The following DNAH11 variants were observed in gnomAD, a reference collection of about 807,000 sequenced individuals.
The protein encoded by DNAH11 is axonemal beta dynein heavy chain 11.
A neutral mutation model predicts 526.0 loss-of-function variants in DNAH11; 442 were observed. The ratio of observed to expected loss-of-function variants is 0.84; its 90% CI spans 0.78 to 0.91. The LOEUF is 0.91. Ranked by LOEUF, DNAH11 falls within the 40% of genes least tolerant of loss-of-function variation. The probability of loss-of-function intolerance (pLI) is 0.00; values close to 1 mark genes in which losing one functional copy is unlikely to be tolerated. For missense variants in DNAH11, 6,989 were observed against 5,448.7 expected, an observed-to-expected ratio of 1.28 and a Z score of -8.90; for synonymous variants, 2,461 against 1,935.9, an observed-to-expected ratio of 1.27 and a Z score of -7.12.
chr7:21,834,120 G>A (rs1211589317), intron 65 of DNAH11, among the ~76,000 whole-genome samples: 2 of 152,134 alleles, frequency 1.3e-5, no homozygotes, highest in African/African-American at 2.4e-5. Flanking sequence ...AAGTCCCAAC[G>A]AAATTTTTTT....
rs764319048 is a variant in DNAH11 at position 21,894,655 on chromosome 7, A to C, written c.12783A>C (p.Lys4261Asn). Residue 4261 changes from lysine to asparagine, a missense_variant, in exon 78 of 82, where the codon AAA (lysine) becomes AAC (asparagine). Transcript: ENST00000409508. ...VKNVLDDILE[K>N]LPEEFNMAEI... Reference sequence around the variant, plus strand: ...ATGTCTTGGATGACATTTTGGAGAAACTTCCAGAAGAGTTCAACATGGCAG... The same window carrying C: ...ATGTCTTGGATGACATTTTGGAGAACCTTCCAGAAGAGTTCAACATGGCAG... 1.9e-6 allele frequency: 3 copies of C among 1,613,914 alleles called. No individual in the cohort carries two copies. In the African/African-American group the frequency reaches 4.0e-5, roughly 22 times the overall value.
chr7:21,634,412 A>G (rs1049209925), intron 25 of DNAH11, among the ~76,000 whole-genome samples: 3 of 152,182 alleles, frequency 2.0e-5, no homozygotes, highest in Admixed American at 6.5e-5. Flanking sequence ...GAAACAGGAT[A>G]CTGTAATGTC....
rs531875958 is a variant in DNAH11, at chr7:21,818,448, G to T, written c.10691+109G>T. ...CTATTGAAATCTTAGTGATATTTCT[G>T]AGTTTCCATTTCATGCACCTACACT... is the stretch of plus-strand genomic sequence containing the variant. On this transcript the variant is annotated intron_variant, in intron 65 of 81. Coordinates refer to ENST00000409508, the MANE Select transcript of DNAH11 (RefSeq NM_001277115.2). 3.1e-6 allele frequency: 4 copies of T among 1,283,360 alleles called. No homozygotes were observed. The East Asian group carries it at 7.8e-5, about 25-fold the overall frequency. The allele number at this position is 1,283,360 out of a possible 1,614,324, so 79.5% of individuals were successfully genotyped here.
chr7:21,750,110 C>G, intron 53 of DNAH11, 112 bp from the exon 54 acceptor site: 2 of 1,348,470 alleles, frequency 1.5e-6, no homozygotes, highest in East Asian at 2.5e-5. Flanking sequence ...ATTTTAAACT[C>G]TTACCATTTA....
chr7:21,776,830 A>G (rs1787688979), intron 56 of DNAH11, among the ~76,000 whole-genome samples: 1 of 152,212 alleles, frequency 6.6e-6, no homozygotes, highest in African/African-American at 2.4e-5. Context: ...GTCACATCTT[A>G]TAGGTTCAAT....
At chr7:21,852,855 A>T (rs1350370595) in intron 67 of DNAH11, among the ~76,000 whole-genome samples, 3 of 152,198 alleles carry the variant, frequency 2.0e-5, no homozygotes, top group Non-Finnish European at 2.9e-5. Flanking sequence ...CAAATTAGAC[A>T]CTGTCCGGCT....
Position 21,866,320 on chromosome 7 carries a change from C to CAA in DNAH11, c.11497-136_11497-135dup, listed in dbSNP as rs35623271. 152,901 of 448,214 alleles carry CAA rather than the reference C, an allele frequency of 0.34. 19,031 individuals are homozygous for CAA. Among genetic ancestry groups the CAA allele is most frequent in the Admixed American group, 0.4 (8,113 of 20,388 alleles). 27.8% of individuals were successfully genotyped at this position (448,214 alleles called of 1,614,324 possible). A position where few individuals can be genotyped will look rare whatever the true frequency, so the allele number is the denominator to read the frequency against. ...CTTTGAGCTTACCCTCTCAGCAGAG[C>CAA]AAAAAAAAAAAAAAAGGAAATCTGA... On this transcript the variant is annotated intron_variant, in intron 70 of 81. Transcript: ENST00000409508.
chr7:21,617,688 G>A lies in DNAH11; in HGVS notation c.4165G>A (p.Asp1389Asn), dbSNP rs1341799199. Residue 1389 changes from aspartate to asparagine, a missense_variant, in exon 23 of 82, where the codon GAC becomes AAC. Transcript: ENST00000409508. Reference protein sequence around the residue: ...AYTGLEGTVKDMTASLRAITE... With the variant: ...AYTGLEGTVKNMTASLRAITE... ...CACGGGCCTGGAAGGCACAGTTAAG[G>A]ACATGACAGCCTCCCTGAGGGCCAT... is the stretch of plus-strand genomic sequence containing the variant. 25 of 1,613,834 alleles carry A rather than the reference G, an allele frequency of 1.5e-5. No homozygotes were observed. Among genetic ancestry groups the A allele is most frequent in the Non-Finnish European group, 2.0e-5 (24 of 1,179,822 alleles).
chr7:21,760,055 C>G (rs1283345851), intron 54 of DNAH11, among the ~76,000 whole-genome samples: 3 of 151,010 alleles, frequency 2.0e-5, no homozygotes, highest in Admixed American at 6.6e-5. Flanking sequence ...CACGGACTTT[C>G]TAATCCCACT....
chr7:21,614,204 A>G (rs372103043), intron 20 of DNAH11, among the ~76,000 whole-genome samples: 8 of 152,354 alleles, frequency 5.3e-5, no homozygotes, highest in Admixed American at 1.3e-4. Context: ...CAAAGAAACT[A>G]AAGTAATACA....
At chr7:21,709,448 G>C (rs905861321) in intron 40 of DNAH11, among the ~76,000 whole-genome samples, 1 of 152,064 alleles carries the variant, frequency 6.6e-6, no homozygotes, top group Non-Finnish European at 1.5e-5. Context: ...AGAGCAGCAG[G>C]GGATGAAAAA....
At chr7:21,726,415 A>G (rs574202677) in intron 45 of DNAH11, among the ~76,000 whole-genome samples, 1 of 152,126 alleles carries the variant, frequency 6.6e-6, no homozygotes, top group South Asian at 2.1e-4. Flanking sequence ...GATCCAAACC[A>G]TATCACCGAT....
In DNAH11 at chr7:21,901,251, G is replaced by GT. The variant is rs1468018475; in HGVS notation, c.13549dup (p.Ter4517LeufsTer3). On this transcript the variant is annotated frameshift_variant, in exon 82 of 82. Coordinates refer to ENST00000409508, the MANE Select transcript of DNAH11 (RefSeq NM_001277115.2). LOFTEE classifies it high-confidence loss of function. ...CTGGAGTGGCTCTGCTTCTAGAAGC[G>GT]TAAGGTAACACTGGCATTCCTCTAG... is the stretch of plus-strand genomic sequence containing the variant. 1.2e-6 allele frequency: 2 copies of GT among 1,601,614 alleles called. No homozygotes were observed. Among genetic ancestry groups the GT allele is most frequent in the African/African-American group, 2.7e-5 (2 of 73,684 alleles).
Position 21,601,580 on chromosome 7 carries a change from G to T in DNAH11, c.3610G>T (p.Gly1204Cys). 6.2e-7 allele frequency: 1 copy of T among 1,602,128 alleles called. No homozygotes were observed. Among genetic ancestry groups the T allele is most frequent in the Non-Finnish European group, 8.5e-7 (1 of 1,170,868 alleles). Residue 1204 changes from glycine (G) to cysteine (C), a missense_variant, in exon 18 of 82, where the codon GGC becomes TGC. By Grantham distance (159) the Gly-to-Cys change is radical. Transcript: ENST00000409508. ...KETITLLESY[G>C]QKMPEQVYIQ... ...AACGATCACCCTCTTGGAAAGCTAT[G>T]GCCAGAAGATGCCTGAGCAGGTCTA... is the stretch of plus-strand genomic sequence containing the variant.
intron 14 of DNAH11, among the ~76,000 whole-genome samples, chr7:21,597,030 C>T (rs1360558124): frequency 6.6e-6 from 1 of 152,120 alleles, no homozygotes; most frequent in Non-Finnish European, 1.5e-5. Context: ...TCAGTTCTGC[C>T]TTTTGCATGC....
chr7:21,690,910 C>G (rs1783589309), intron 35 of DNAH11, 29 bp downstream of exon 35: 1 of 1,513,658 alleles, frequency 6.6e-7, no homozygotes, highest in East Asian at 2.3e-5. Flanking sequence ...GGCTTAGCAT[C>G]TGGTGCACTC....
chr7:21,784,216 G>A (rs927295409), intron 57 of DNAH11, among the ~76,000 whole-genome samples: 1 of 152,172 alleles, frequency 6.6e-6, no homozygotes, highest in African/African-American at 2.4e-5. Context: ...CATTTATGTT[G>A]AGATTTGTTA....
intron 63 of DNAH11, among the ~76,000 whole-genome samples, chr7:21,808,900 A>C (rs535514114): frequency 4.6e-5 from 7 of 152,198 alleles, no homozygotes; most frequent in Non-Finnish European, 1.0e-4. Flanking sequence ...ATATATGCTC[A>C]GTAGCTAGAT....
At chr7:21,584,080 A>G (rs1784403216) in intron 9 of DNAH11, among the ~76,000 whole-genome samples, 2 of 152,212 alleles carry the variant, frequency 1.3e-5, no homozygotes, top group African/African-American at 4.8e-5. Flanking sequence ...ATTACTGGGT[A>G]TATACCCAAA....
Sources: allele counts gnomAD v4.1 joint callset (sites outside exome capture counted in the v4.1 genomes callset), GRCh38; gene constraint gnomAD v4.1.1; transcripts MANE v1.5; gene names NCBI Gene and HGNC (gene_info 2026-07-23, HGNC 2026-07-21).